SLC1A2: variants seen among roughly 807,000 people sequenced by gnomAD.
SLC1A2 encodes the protein solute carrier family 1 member 2.
A neutral mutation model predicts 48.8 loss-of-function variants in SLC1A2; 15 were observed. That is an observed-to-expected ratio of 0.31 (90% CI 0.21 to 0.47). SLC1A2 has a LOEUF of 0.47. SLC1A2 is among the 20% of genes least tolerant of loss of function. The pLI, the probability that SLC1A2 is intolerant of heterozygous loss-of-function variation, is 0.99. For missense variants in SLC1A2, 502 were observed against 730.5 expected (o/e 0.69, Z 3.61); for synonymous variants, 279 against 272.6 (o/e 1.02, Z -0.23).
intron 1 of SLC1A2, among the ~76,000 whole-genome samples, chr11:35,357,480 G>T (rs550318765): frequency 6.6e-6 from 1 of 152,246 alleles, no homozygotes; most frequent in South Asian, 2.1e-4. Flanking sequence ...CATGAACCTC[G>T]TAACTTCATT....
Position 35,411,830 on chromosome 11 carries a change from C to A in SLC1A2, c.17+7120G>T, listed in dbSNP as rs538861318. Among the ~76,000 whole-genome samples the A allele has an allele frequency of 5.3e-5, 8 of 152,258 alleles. No homozygotes were observed. The South Asian group carries it at 1.0e-3, about 20-fold the overall frequency. Reference sequence around the variant, plus strand: ...TCATTTTCAATTAACTAAACTTATTCTCACTTTTTTATGGTGACATTTTCT... The same window carrying A: ...TCATTTTCAATTAACTAAACTTATTATCACTTTTTTATGGTGACATTTTCT... On this transcript the variant is annotated intron_variant, in intron 1 of 10. Transcript: ENST00000278379.
chr11:35,370,685 G>A lies in SLC1A2; in HGVS notation c.17+48265C>T, dbSNP rs546266537. 3.0e-4 allele frequency among the ~76,000 whole-genome samples: 45 copies of A among 152,172 alleles called. 1 individual carries two copies. Among genetic ancestry groups the A allele is most frequent in the African/African-American group, 1.0e-3 (42 of 41,522 alleles). ...AAGAGCAGAGAGGAGGGCTCAGTGCGGGGAATGAGAGCAGGTGCATCTTTC... is the reference window on the plus strand; with the variant it reads ...AAGAGCAGAGAGGAGGGCTCAGTGCAGGGAATGAGAGCAGGTGCATCTTTC... On this transcript the variant is annotated intron_variant, in intron 1 of 10. Transcript: ENST00000278379.
chr11:35,261,309 A>G (rs531092057), intron 10 of SLC1A2, among the ~76,000 whole-genome samples: 1 of 152,338 alleles, frequency 6.6e-6, no homozygotes, highest in African/African-American at 2.4e-5. Flanking sequence ...GTGCTACTCC[A>G]TACAACCACA....
In SLC1A2 at chr11:35,265,696, T is replaced by C; in HGVS notation, c.1484A>G (p.His495Arg). The change falls in exon 10 of 11, where the codon CAC becomes CGC. Residue 495 changes from histidine (H) to arginine (R), a missense_variant. By Grantham distance (29) the His-to-Arg change is conservative (BLOSUM62 0). Transcript: ENST00000278379. ...GGTATCCAGCTCAGACTTGGAGAGG[T>C]GATAGACTATCCCAGCCCCAAAAGA... ...GDSFGAGIVY[H>R]LSKSELDTID... 1 of 1,614,032 alleles carries C rather than the reference T, an allele frequency of 6.2e-7. No homozygotes were observed. The highest frequency in any genetic ancestry group is 8.5e-7 in the Non-Finnish European group (1 of 1,179,902).
intron 10 of SLC1A2, among the ~76,000 whole-genome samples, chr11:35,264,548 A>G (rs1044700370): frequency 1.3e-5 from 2 of 152,210 alleles, no homozygotes; most frequent in Non-Finnish European, 2.9e-5. Flanking sequence ...ATTAGTTACA[A>G]TGAAGGCTAG....
intron 1 of SLC1A2, among the ~76,000 whole-genome samples, chr11:35,360,310 C>T (rs1853631418): frequency 6.6e-6 from 1 of 152,156 alleles, no homozygotes; most frequent in Non-Finnish European, 1.5e-5. Context: ...CTTTGATGTC[C>T]CTTTTCTCTC....
At chr11:35,295,774 C>T (rs993243176) in intron 6 of SLC1A2, among the ~76,000 whole-genome samples, 1 of 152,228 alleles carries the variant, frequency 6.6e-6, no homozygotes. Flanking sequence ...CCTACTTTGT[C>T]TTTCAGCCCT....
intron 1 of SLC1A2, among the ~76,000 whole-genome samples, chr11:35,358,260 TTATCTC>T (rs892635190): frequency 6.6e-6 from 1 of 152,244 alleles, no homozygotes; most frequent in African/African-American, 2.4e-5. Context: ...TCAACAGTGA[TTATCTC>T]TAGTTGAAGA....
At chr11:35,340,145 A>C (rs1852783560) in intron 1 of SLC1A2, among the ~76,000 whole-genome samples, 2 of 152,286 alleles carry the variant, frequency 1.3e-5, no homozygotes, top group Non-Finnish European at 1.5e-5. Context: ...CAGAGAGAAG[A>C]AGCAACGGGA....
intron 3 of SLC1A2, among the ~76,000 whole-genome samples, chr11:35,314,736 A>G (rs906354943): frequency 2.0e-5 from 3 of 149,860 alleles, no homozygotes; most frequent in Non-Finnish European, 4.4e-5. Context: ...ATTTAAAACC[A>G]CTAGAGGTAT....
At chr11:35,278,019 C>T (rs1850497475) in intron 9 of SLC1A2, among the ~76,000 whole-genome samples, 1 of 152,194 alleles carries the variant, frequency 6.6e-6, no homozygotes, top group South Asian at 2.1e-4. Context: ...ATGAGAAAGG[C>T]TGTCCCTTGG....
intron 1 of SLC1A2, among the ~76,000 whole-genome samples, chr11:35,390,098 C>T (rs1456926911): frequency 6.6e-6 from 1 of 152,212 alleles, no homozygotes. Flanking sequence ...ATTCGGTCAA[C>T]AGCACAGCCT....
At chr11:35,394,455 C>T (rs1854888872) in intron 1 of SLC1A2, among the ~76,000 whole-genome samples, 2 of 152,072 alleles carry the variant, frequency 1.3e-5, no homozygotes, top group African/African-American at 4.8e-5. Flanking sequence ...GCAAATAGCT[C>T]ATTTAACTCC....
At position 35,265,404 on chromosome 11, in the gene SLC1A2, T is replaced by C. The variant is rs1950464007; in HGVS notation, c.1653+123A>G. On this transcript the variant is annotated intron_variant, in intron 10 of 10. Transcript: ENST00000278379. ...GGGACTCACAGAAGCTTGGGTTACA[T>C]GATTCTTTAGGAAAATAAATGTGAC... 3 of 636,018 alleles carry C rather than the reference T, an allele frequency of 4.7e-6. 1 individual carries two copies. Among genetic ancestry groups the C allele is most frequent in the Admixed American group, 5.7e-5 (2 of 34,984 alleles). The allele number at this position is 636,018 out of a possible 1,614,324, so 39.4% of individuals were successfully genotyped here.
intron 1 of SLC1A2, among the ~76,000 whole-genome samples, chr11:35,412,446 G>A (rs772239349): frequency 2.0e-5 from 3 of 152,202 alleles, no homozygotes; most frequent in Non-Finnish European, 4.4e-5. Flanking sequence ...ATTCCCTAAG[G>A]ATTGAAGGGC....
At chr11:35,364,292 C>G (rs567525435) in intron 1 of SLC1A2, among the ~76,000 whole-genome samples, 16 of 152,286 alleles carry the variant, frequency 1.1e-4, no homozygotes, top group African/African-American at 3.9e-4. Context: ...TGGAAAGGGT[C>G]AGTTTGGGGT....
At chr11:35,407,395 T>G (rs951321228) in intron 1 of SLC1A2, among the ~76,000 whole-genome samples, 5 of 152,206 alleles carry the variant, frequency 3.3e-5, no homozygotes, top group Non-Finnish European at 5.9e-5. Context: ...CCACGGATAA[T>G]TCAAGACCTC....
chr11:35,419,071 A>G lies in SLC1A2; in HGVS notation c.-105T>C. On this transcript the variant is annotated 5_prime_UTR_variant, in exon 1 of 11. Transcript: ENST00000278379. This position sits in a 1 kb window ranked among gnomAD's most constrained non-coding sequence, Gnocchi z 5.4. ...GAAGTGCGGCCGGGAGCGGTATTTAAGAGGAGCCTCTGCCCGCCCTTCCAC... is the reference window on the plus strand; with the variant it reads ...GAAGTGCGGCCGGGAGCGGTATTTAGGAGGAGCCTCTGCCCGCCCTTCCAC... 9.5e-7 allele frequency: 1 copy of G among 1,048,350 alleles called. No individual in the cohort carries two copies. Among genetic ancestry groups the G allele is most frequent in the Non-Finnish European group, 1.4e-6 (1 of 715,726 alleles). 64.9% of individuals were successfully genotyped at this position (1,048,350 alleles called of 1,614,324 possible). A position where few individuals can be genotyped will look rare whatever the true frequency, so the allele number is the denominator to read the frequency against.
intron 1 of SLC1A2, chr11:35,323,208 C>G (rs1483812740): frequency 4.7e-6 from 1 of 213,276 alleles, no homozygotes; most frequent in Non-Finnish European, 9.4e-6. Flanking sequence ...ATTCGAGGGG[C>G]TGGTTAAAGA....
Sources: gnomAD v4.1 joint callset for allele counts (sites outside exome capture counted in the v4.1 genomes callset) on GRCh38, gnomAD v4.1.1 for gene constraint, Gnocchi (gnomAD v3.1) non-coding constraint, MANE v1.5 for transcripts, NCBI Gene and HGNC (gene_info 2026-07-23, HGNC 2026-07-21) for gene names.